The following DNAJC5B variants were observed in gnomAD, a reference collection of about 807,000 sequenced individuals.
DNAJC5B encodes DnaJ heat shock protein family (Hsp40) member C5 beta.
DNAJC5B carries 23 observed loss-of-function variants against 24.7 expected under a neutral mutation model. The ratio of observed to expected loss-of-function variants is 0.93; its 90% CI spans 0.67 to 1.32. The LOEUF (loss-of-function observed/expected upper bound fraction) is 1.32, where lower values mean the gene tolerates loss of function less well. Ranked by LOEUF, DNAJC5B falls within the 40% of genes most tolerant of loss-of-function variation. DNAJC5B has a pLI of 0.00. For synonymous variants in DNAJC5B, 101 were observed against 90.1 expected, an observed-to-expected ratio of 1.12 and a Z score of -0.68; for missense variants, 238 against 240.8, an observed-to-expected ratio of 0.99 and a Z score of 0.08.
chr8:66,026,519 A>C (rs963897729), intron 1 of DNAJC5B, among the ~76,000 whole-genome samples: 1 of 152,258 alleles, frequency 6.6e-6, no homozygotes, highest in African/African-American at 2.4e-5. Context: ...CTGAGAGAGC[A>C]GAGTCTCCTC....
rs1449735491 is a variant in DNAJC5B, at chr8:66,057,222, GA to G, written c.119+5559del. ...CTCTTGAAGCAAGTAAAAAAAAATG[GA>G]AATTCTCAGTGAAGAAATAGGAATT... On this transcript the variant is annotated intron_variant, in intron 3 of 5. Transcript: ENST00000276570. 2.6e-5 allele frequency: 4 copies of G among 152,036 alleles called. No homozygotes were observed. In the East Asian group the frequency reaches 7.7e-4, roughly 29 times the overall value. The allele number at this position is 152,036 out of a possible 1,614,324, so 9.4% of individuals were successfully genotyped here.
intron 1 of DNAJC5B, among the ~76,000 whole-genome samples, chr8:66,034,243 T>A (rs1169613984): frequency 1.4e-5 from 2 of 147,982 alleles, no homozygotes; most frequent in Non-Finnish European, 3.0e-5. Context: ...GGAAGTGAGA[T>A]GGGAATGCTG....
intron 3 of DNAJC5B, among the ~76,000 whole-genome samples, chr8:66,053,716 G>C (rs1188434860): frequency 1.3e-5 from 2 of 149,994 alleles, no homozygotes; most frequent in East Asian, 3.9e-4. Flanking sequence ...CGCAACCTCC[G>C]CCTCCCAGGT....
At chr8:66,069,187 A>G (rs1807291150) in intron 3 of DNAJC5B, among the ~76,000 whole-genome samples, 1 of 152,036 alleles carries the variant, frequency 6.6e-6, no homozygotes, top group Non-Finnish European at 1.5e-5. Flanking sequence ...TTTAGAAGGG[A>G]CAAGTAGAAT....
intron 5 of DNAJC5B, among the ~76,000 whole-genome samples, chr8:66,095,158 G>A (rs902812838): frequency 2.6e-5 from 4 of 152,048 alleles, no homozygotes; most frequent in African/African-American, 9.7e-5. Context: ...CTCTTGGAGA[G>A]TTTGTGTAAT....
chr8:66,064,990 T>C (rs1807158968), intron 3 of DNAJC5B, among the ~76,000 whole-genome samples: 1 of 152,254 alleles, frequency 6.6e-6, no homozygotes, highest in Non-Finnish European at 1.5e-5. Flanking sequence ...TTTTAATCCT[T>C]ACATTTAAAA....
At chr8:66,023,855 T>C (rs1007667343) in intron 1 of DNAJC5B, among the ~76,000 whole-genome samples, 2 of 152,220 alleles carry the variant, frequency 1.3e-5, no homozygotes, top group African/African-American at 4.8e-5. Flanking sequence ...CATGAAGCTA[T>C]ATATGTCTTG....
chr8:66,087,985 CTG>C (rs1239816607), intron 5 of DNAJC5B, among the ~76,000 whole-genome samples: 1 of 152,234 alleles, frequency 6.6e-6, no homozygotes, highest in Non-Finnish European at 1.5e-5. Flanking sequence ...CCAGTAGGGA[CTG>C]TGTGTGGGGG....
chr8:66,042,380 C>A (rs2357666), intron 1 of DNAJC5B, among the ~76,000 whole-genome samples: 63,145 of 152,002 alleles, frequency 0.42, 15,835 homozygotes, highest in African/African-American at 0.71. Flanking sequence ...GAGAGTGATT[C>A]ATTGTGCAAA....
At chr8:66,052,472 A>G (rs1291147918) in intron 3 of DNAJC5B, among the ~76,000 whole-genome samples, 1 of 152,084 alleles carries the variant, frequency 6.6e-6, no homozygotes, top group East Asian at 1.9e-4. Context: ...GTTGAGGGAG[A>G]AATGCCATTA....
chr8:66,089,178 C>G (rs1343846317), intron 5 of DNAJC5B, among the ~76,000 whole-genome samples: 1 of 152,166 alleles, frequency 6.6e-6, no homozygotes, highest in Non-Finnish European at 1.5e-5. Flanking sequence ...ACCTTCTTCA[C>G]AAGGCGACAG....
chr8:66,088,328 A>C (rs1046870880), intron 5 of DNAJC5B, among the ~76,000 whole-genome samples: 1 of 152,156 alleles, frequency 6.6e-6, no homozygotes, highest in Admixed American at 6.5e-5. Context: ...TGGCCCAAGA[A>C]ACCATTTTTT....
At chr8:66,053,821 G>A (rs1046546210) in intron 3 of DNAJC5B, among the ~76,000 whole-genome samples, 1 of 151,750 alleles carries the variant, frequency 6.6e-6, no homozygotes, top group African/African-American at 2.4e-5. Context: ...TAGAGACGGG[G>A]TTTCTCCATG....
At chr8:66,066,954 T>C (rs910139905) in intron 3 of DNAJC5B, among the ~76,000 whole-genome samples, 9 of 152,140 alleles carry the variant, frequency 5.9e-5, no homozygotes, top group Non-Finnish European at 1.2e-4. Flanking sequence ...GGTTTCAGCC[T>C]GCAGTGAAGA....
chr8:66,046,133 A>G (rs1806717968), intron 2 of DNAJC5B, among the ~76,000 whole-genome samples: 1 of 152,188 alleles, frequency 6.6e-6, no homozygotes, highest in Admixed American at 6.5e-5. Flanking sequence ...TTTGACCCAG[A>G]GACCAGGAAT....
chr8:66,076,514 C>A, intron 3 of DNAJC5B, 146 bp from the exon 4 acceptor site: 2 of 816,650 alleles, frequency 2.4e-6, no homozygotes, highest in Non-Finnish European at 3.9e-6. Context: ...TGAAAATGTA[C>A]TTGTTAATCA....
In DNAJC5B at chr8:66,076,688, A is replaced by G; in HGVS notation, c.148A>G (p.Lys50Glu). The change falls in exon 4 of 6, where the codon AAG becomes GAG. Residue 50 changes from lysine (K) to glutamate (E), a missense_variant. Physicochemically the swap from Lys to Glu is moderately conservative, Grantham distance 56. Transcript: ENST00000276570. ...RKLALKHHPD[K>E]NPDDPAATEK... ...ATTGGCCCTGAAACACCATCCAGAC[A>G]AGAATCCAGATGATCCAGCTGCTAC... is the stretch of plus-strand genomic sequence containing the variant. The G allele has an allele frequency of 6.2e-7, 1 of 1,614,100 alleles. No individual in the cohort carries two copies. The highest frequency in any genetic ancestry group is 8.5e-7 in the Non-Finnish European group (1 of 1,179,996).
In DNAJC5B at chr8:66,080,367, G is replaced by C; in HGVS notation, c.334-10G>C. ...CTCATCCTCATTTTGCTTTACCTCT[G>C]TTTCCCTAGGCCCTGTTTGTCATCG... On this transcript the variant is annotated splice_polypyrimidine_tract_variant and intron_variant, in intron 4 of 5. Transcript: ENST00000276570. 1.2e-6 allele frequency: 2 copies of C among 1,608,218 alleles called. No homozygotes were observed. The highest frequency in any genetic ancestry group is 1.7e-6 in the Non-Finnish European group (2 of 1,177,250).
chr8:66,088,123 G>A (rs1216677153), intron 5 of DNAJC5B, among the ~76,000 whole-genome samples: 1 of 152,208 alleles, frequency 6.6e-6, no homozygotes, highest in Non-Finnish European at 1.5e-5. Flanking sequence ...CTAGGTGGAG[G>A]ATCCCAAAGT....
Sources: allele counts gnomAD v4.1 joint callset (sites outside exome capture counted in the v4.1 genomes callset), GRCh38; gene constraint gnomAD v4.1.1; transcripts MANE v1.5; gene names NCBI Gene and HGNC (gene_info 2026-07-23, HGNC 2026-07-21).